Variants in LRIG1 observed in about 807,000 individuals in gnomAD.
LRIG1 encodes the protein leucine rich repeats and immunoglobulin like domains 1, also known as leucine-rich repeats and immunoglobulin-like domains protein 1.
In LRIG1, 48 loss-of-function variants were observed where a neutral mutation model predicts 99.2. That is an observed-to-expected ratio of 0.48 (90% CI 0.38 to 0.62). The LOEUF (loss-of-function observed/expected upper bound fraction) is 0.62. Ranked by LOEUF, LRIG1 falls within the 20% of genes least tolerant of loss-of-function variation. LRIG1 has a pLI of 0.00. For synonymous variants in LRIG1, 772 were observed against 596.1 expected, an observed-to-expected ratio of 1.29 and a Z score of -4.30; for missense variants, 1,646 against 1,434.4, an observed-to-expected ratio of 1.15 and a Z score of -2.38.
chr3:66,417,377 C>A (rs1702647631), intron 3 of LRIG1, 111 bp from the exon 4 acceptor site: 4 of 1,116,544 alleles, frequency 3.6e-6, no homozygotes, highest in African/African-American at 1.6e-5. Flanking sequence ...TGCAGTGACG[C>A]TCTTAAAAAT....
At chr3:66,469,601 C>A (rs752662682) in intron 1 of LRIG1, among the ~76,000 whole-genome samples, 13 of 152,324 alleles carry the variant, frequency 8.5e-5, no homozygotes, top group Admixed American at 7.2e-4. Context: ...ACATGTCATC[C>A]TGGTCTGTAG....
intron 12 of LRIG1, among the ~76,000 whole-genome samples, chr3:66,388,505 A>C (rs1202640689): frequency 1.3e-5 from 2 of 152,220 alleles, no homozygotes; most frequent in African/African-American, 2.4e-5. Context: ...ACATCCAAGA[A>C]TCTTAATGAA....
intron 9 of LRIG1, chr3:66,404,330 T>G: frequency 7.8e-7 from 1 of 1,287,658 alleles, no homozygotes; most frequent in East Asian, 5.6e-5. Flanking sequence ...GGGGACGGGC[T>G]GGGGGAATCG....
intron 11 of LRIG1, among the ~76,000 whole-genome samples, chr3:66,395,583 T>A (rs1054079156): frequency 6.6e-6 from 1 of 152,244 alleles, no homozygotes; most frequent in Admixed American, 6.5e-5. Flanking sequence ...TGCTGGCCCA[T>A]ATTAGATCTT....
intron 3 of LRIG1, among the ~76,000 whole-genome samples, chr3:66,421,640 C>T (rs1378051713): frequency 6.6e-6 from 1 of 152,174 alleles, no homozygotes; most frequent in African/African-American, 2.4e-5. Flanking sequence ...GTGCCCGGTG[C>T]AAGCTGTCAG....
In LRIG1 at chr3:66,380,292, C is replaced by A. The variant is rs1370616267; in HGVS notation, c.3253G>T (p.Val1085Leu). The A allele has an allele frequency of 6.8e-6, 11 of 1,613,490 alleles. No individual in the cohort carries two copies. Among genetic ancestry groups the A allele is most frequent in the Non-Finnish European group, 9.3e-6 (11 of 1,179,630 alleles). The part of the protein sequence containing the change: ...LTGQLPGKQR[V>L]PLLLAPKS The stretch of plus-strand genomic sequence containing the variant: ...CTTTTTGGTGCCAACAGCAGTGGCA[C>A]CCTCTGTTTCCCGGGGAGCTGTCCT... The change falls in exon 19 of 19, where the codon GTG becomes TTG. Residue 1085 changes from valine to leucine, a missense_variant. Physicochemically the swap from Val to Leu is conservative, Grantham distance 32. Coordinates refer to ENST00000273261, the MANE Select transcript of LRIG1 (RefSeq NM_015541.3).
chr3:66,454,509 A>G (rs1264492201), intron 2 of LRIG1, among the ~76,000 whole-genome samples: 1 of 152,004 alleles, frequency 6.6e-6, no homozygotes, highest in African/African-American at 2.4e-5. Flanking sequence ...CTACCCGCCA[A>G]TTTACTTCCC....
At chr3:66,428,336 C>T (rs1703048659) in intron 3 of LRIG1, among the ~76,000 whole-genome samples, 1 of 152,150 alleles carries the variant, frequency 6.6e-6, no homozygotes, top group Non-Finnish European at 1.5e-5. Context: ...TGCCACTGCC[C>T]TCATATGTCC....
intron 3 of LRIG1, among the ~76,000 whole-genome samples, chr3:66,436,552 A>G (rs915734792): frequency 6.6e-6 from 1 of 152,200 alleles, no homozygotes; most frequent in Non-Finnish European, 1.5e-5. Flanking sequence ...TATCTGTGGG[A>G]AACACCACGT....
In LRIG1 at chr3:66,379,521, G is replaced by GTGTT. The variant is rs1175025135; in HGVS notation, c.*738_*741dup. 2 of 152,170 alleles carry GTGTT rather than the reference G, an allele frequency of 1.3e-5. No homozygotes were observed. The highest frequency in any genetic ancestry group is 4.8e-5 in the African/African-American group (2 of 41,434). The allele number at this position is 152,170 out of a possible 1,614,324, so 9.4% of individuals were successfully genotyped here. On this transcript the variant is annotated 3_prime_UTR_variant, in exon 19 of 19. Transcript: ENST00000273261. Reference sequence around the variant, plus strand: ...TAAAATAAGAGGAGGAGGAAAGGCAGTGTTTAACTGTTCTGACCTTTTGCT... The same window carrying GTGTT: ...TAAAATAAGAGGAGGAGGAAAGGCAGTGTTTGTTTAACTGTTCTGACCTTTTGCT...
At chr3:66,446,218 C>T (rs1025380480) in intron 3 of LRIG1, among the ~76,000 whole-genome samples, 1 of 152,106 alleles carries the variant, frequency 6.6e-6, no homozygotes, top group African/African-American at 2.4e-5. Context: ...GCCTTTGCTG[C>T]CTCAGATCCC....
intron 3 of LRIG1, among the ~76,000 whole-genome samples, chr3:66,428,384 T>C (rs539113597): frequency 3.7e-4 from 57 of 152,260 alleles, no homozygotes; most frequent in Non-Finnish European, 6.9e-4. Flanking sequence ...ATTAGGAATA[T>C]AGCCTGGGGC....
rs1701124199 is a variant in LRIG1 at position 66,382,322 on chromosome 3, C to T, written c.2568G>A (p.Val856=). 2 of 1,614,080 alleles carry T rather than the reference C, an allele frequency of 1.2e-6. No individual in the cohort carries two copies. Among genetic ancestry groups the T allele is most frequent in the Admixed American group, 1.7e-5 (1 of 60,008 alleles). Residue 856 remains valine, a synonymous_variant, in exon 16 of 19, where the codon GTG becomes GTA. Transcript: ENST00000273261. ...CCTGAGGGCCACCCTCGGTCCTGAC[C>T]ACGGTTTCTTGTCGGTCAGAAAGGG... is the stretch of plus-strand genomic sequence containing the variant. ...QGTLSDRQET[V]VRTEGGPQAN... is the part of the protein sequence containing the mutation.
At chr3:66,384,312 C>T (rs749729431) in intron 13 of LRIG1, 40 bp from the exon 14 acceptor site, 2 of 1,580,676 alleles carry the variant, frequency 1.3e-6, no homozygotes, top group Admixed American at 3.4e-5. Context: ...TACGGGACAG[C>T]TAGATGCAAA....
At chr3:66,456,026 C>T (rs1272906825) in intron 2 of LRIG1, among the ~76,000 whole-genome samples, 2 of 152,208 alleles carry the variant, frequency 1.3e-5, no homozygotes, top group Non-Finnish European at 2.9e-5. Flanking sequence ...GAAACTGAGG[C>T]ACAGTTACAG....
chr3:66,398,560 C>T (rs1701940760), intron 10 of LRIG1, among the ~76,000 whole-genome samples: 1 of 152,220 alleles, frequency 6.6e-6, no homozygotes, highest in Admixed American at 6.5e-5. Flanking sequence ...TCAGAAGCAA[C>T]CACACCAAAC....
At chr3:66,427,024 A>T (rs537763073) in intron 3 of LRIG1, among the ~76,000 whole-genome samples, 3 of 152,346 alleles carry the variant, frequency 2.0e-5, no homozygotes, top group Admixed American at 1.3e-4. Context: ...GCTTCGCCTG[A>T]ACCTCCGGTT....
chr3:66,383,852 C>G (rs1701229627), intron 14 of LRIG1, 139 bp downstream of exon 14: 9 of 1,267,452 alleles, frequency 7.1e-6, no homozygotes, highest in African/African-American at 1.5e-5. Flanking sequence ...ATTAACTCAA[C>G]TCAAAAAGCA....
chr3:66,383,451 C>G (rs1701205603), intron 14 of LRIG1, 50 bp from the exon 15 acceptor site: 1 of 1,468,380 alleles, frequency 6.8e-7, no homozygotes, highest in Non-Finnish European at 9.2e-7. Context: ...CTCCGTTGCT[C>G]TGGCTCTGCC....
Sources: gnomAD v4.1 joint callset for allele counts (sites outside exome capture counted in the v4.1 genomes callset) on GRCh38, gnomAD v4.1.1 for gene constraint, MANE v1.5 for transcripts, NCBI Gene and HGNC (gene_info 2026-07-23, HGNC 2026-07-21) for gene names.